The following FBN1 variants were observed in gnomAD, a reference collection of about 807,000 sequenced individuals.
FBN1 encodes fibrillin 1.
Under a neutral mutation model 365.1 loss-of-function variants are expected in FBN1, and 29 were observed. That is an observed-to-expected ratio of 0.08 (90% CI 0.06 to 0.11). The LOEUF (loss-of-function observed/expected upper bound fraction) is 0.11. Among genes scored for constraint, FBN1 ranks in the 10% least tolerant of loss-of-function variants. The pLI, the probability that FBN1 is intolerant of heterozygous loss-of-function variation, is 1.00. For missense variants in FBN1, 2,476 were observed against 3,703.2 expected, an observed-to-expected ratio of 0.67 and a Z score of 8.60; for synonymous variants, 1,210 against 1,270.5, an observed-to-expected ratio of 0.95 and a Z score of 1.01.
chr15:48,445,389 C>G lies in FBN1; in HGVS notation c.5904G>C (p.Gly1968=). 1 of 1,612,768 alleles carries G rather than the reference C, an allele frequency of 6.2e-7. No homozygotes were observed. The highest frequency in any genetic ancestry group is 8.5e-7 in the Non-Finnish European group (1 of 1,179,164). Residue 1968 remains glycine (G), a synonymous_variant, in exon 48 of 66, where the codon GGG becomes GGC. Transcript: ENST00000316623. ...TCCTGTACTTACCCACACAGGTCCT[C>G]CCATCTGGAGCCACCTCATAGCCTT... is the stretch of plus-strand genomic sequence containing the variant. ...CNEGYEVAPD[G]RTCVDINECL...
chr15:48,538,468 C>T (rs751549217), intron 6 of FBN1, among the ~76,000 whole-genome samples: 14 of 152,182 alleles, frequency 9.2e-5, no homozygotes. Flanking sequence ...GGACACTGGT[C>T]TGAAATCATT....
chr15:48,524,037 C>G (rs1411605238), intron 9 of FBN1, among the ~76,000 whole-genome samples: 1 of 152,156 alleles, frequency 6.6e-6, no homozygotes, highest in Non-Finnish European at 1.5e-5. Flanking sequence ...CCTAACCTGT[C>G]ACGAACATGG....
At chr15:48,435,780 G>GTATATATA (rs1382120396) in intron 53 of FBN1, among the ~76,000 whole-genome samples, 1 of 77,404 alleles carries the variant, frequency 1.3e-5, no homozygotes, top group African/African-American at 3.1e-5. Context: ...ATATGTGTGT[G>GTATATATA]TGTGTGTGTG....
At chr15:48,562,439 G>A (rs914369118) in intron 6 of FBN1, among the ~76,000 whole-genome samples, 1 of 152,096 alleles carries the variant, frequency 6.6e-6, no homozygotes, top group Admixed American at 6.6e-5. Context: ...TACAAATAGG[G>A]AATTGAGTCA....
At chr15:48,487,585 C>G in intron 27 of FBN1, 148 bp from the exon 28 acceptor site, 2 of 1,163,122 alleles carry the variant, frequency 1.7e-6, no homozygotes, top group Non-Finnish European at 2.5e-6. Flanking sequence ...TACACCAGAT[C>G]TCCCTGCAGG....
chr15:48,408,385 A>G lies in FBN1; in HGVS notation c.*2605T>C, dbSNP rs2042835020. ...TTTCTGAAGTTTAACAGTATTTGTA[A>G]TGGCAATATCCAAAGTGATTTTGGC... On this transcript the variant is annotated 3_prime_UTR_variant, in exon 66 of 66. Transcript: ENST00000316623. 6.6e-6 allele frequency: 1 copy of G among 152,662 alleles called. No homozygotes were observed. Among genetic ancestry groups the G allele is most frequent in the South Asian group, 2.1e-4 (1 of 4,834 alleles). The allele number at this position is 152,662 out of a possible 1,614,324, so 9.5% of individuals were successfully genotyped here. A position where few individuals can be genotyped will look rare whatever the true frequency, so the allele number is the denominator to read the frequency against.
At chr15:48,469,112 C>CATATAT (rs1165855215) in intron 36 of FBN1, among the ~76,000 whole-genome samples, 2 of 99,980 alleles carry the variant, frequency 2.0e-5, no homozygotes, top group African/African-American at 8.6e-5. Flanking sequence ...ATATATATTA[C>CATATAT]ATATATATAT....
intron 18 of FBN1, among the ~76,000 whole-genome samples, chr15:48,498,050 G>T (rs2043622519): frequency 6.6e-6 from 1 of 150,618 alleles, no homozygotes. Flanking sequence ...CTGAGGTGGG[G>T]CCCTCCCTCT....
At chr15:48,426,412 G>T (rs2042979887) in intron 58 of FBN1, among the ~76,000 whole-genome samples, 1 of 152,062 alleles carries the variant, frequency 6.6e-6, no homozygotes, top group South Asian at 2.1e-4. Context: ...TCTGTCCTCT[G>T]GTGAGGGGGG....
intron 30 of FBN1, among the ~76,000 whole-genome samples, chr15:48,484,298 C>A (rs1453536469): frequency 1.3e-5 from 2 of 151,854 alleles, no homozygotes; most frequent in African/African-American, 4.8e-5. Context: ...ACTGTTTTAG[C>A]AATATTTTAA....
In FBN1 at chr15:48,472,847, T is replaced by G. The variant is rs28730795; in HGVS notation, c.4211-171A>C. Among the ~76,000 whole-genome samples the G allele has an allele frequency of 0.39, 58,693 of 151,912 alleles. 12,209 individuals are homozygous for G. The highest frequency in any genetic ancestry group is 0.57 in the East Asian group (2,933 of 5,164). ...TAACACTGAATATGAAATTTACATG[T>G]GGCTGATTCAGAATCCTGAATGATA... is the stretch of plus-strand genomic sequence containing the variant. On this transcript the variant is annotated intron_variant, in intron 34 of 65. Transcript: ENST00000316623.
At chr15:48,539,411 C>T (rs1211160680) in intron 6 of FBN1, among the ~76,000 whole-genome samples, 1 of 152,158 alleles carries the variant, frequency 6.6e-6, no homozygotes, top group Non-Finnish European at 1.5e-5. Context: ...AATGCCGAGT[C>T]CCCAGTTCCC....
At chr15:48,592,340 CAT>C (rs1355991901) in intron 6 of FBN1, among the ~76,000 whole-genome samples, 2 of 152,128 alleles carry the variant, frequency 1.3e-5, no homozygotes, top group African/African-American at 2.4e-5. Context: ...CTCATCCACT[CAT>C]ATGATTCACT....
chr15:48,443,808 G>A (rs7166427), intron 49 of FBN1, among the ~76,000 whole-genome samples: 1 of 152,070 alleles, frequency 6.6e-6, no homozygotes, highest in Admixed American at 6.6e-5. Flanking sequence ...TGAGGAAGGA[G>A]GATCATTTGA....
intron 2 of FBN1, among the ~76,000 whole-genome samples, chr15:48,618,121 C>G (rs1433881405): frequency 1.3e-5 from 2 of 152,054 alleles, no homozygotes; most frequent in East Asian, 3.9e-4. Context: ...AAGTATAAAT[C>G]TGGAGGGGAT....
At chr15:48,463,526 C>T (rs2043297037) in intron 41 of FBN1, among the ~76,000 whole-genome samples, 3 of 152,206 alleles carry the variant, frequency 2.0e-5, no homozygotes, top group Admixed American at 6.5e-5. Context: ...GCCCAGTCTC[C>T]TAGTAACAAT....
intron 2 of FBN1, chr15:48,642,375 C>CA (rs956158539): frequency 2.4e-4 from 35 of 147,760 alleles, no homozygotes; most frequent in Admixed American, 4.0e-4. Flanking sequence ...GACTGTGTCT[C>CA]AAAAAAAAAG....
chr15:48,638,917 C>T (rs1890149592), intron 2 of FBN1, among the ~76,000 whole-genome samples: 1 of 152,158 alleles, frequency 6.6e-6, no homozygotes, highest in African/African-American at 2.4e-5. Flanking sequence ...TACCTACCAC[C>T]CTCACACAAG....
chr15:48,549,604 C>T (rs1396365110), intron 6 of FBN1, among the ~76,000 whole-genome samples: 1 of 152,194 alleles, frequency 6.6e-6, no homozygotes, highest in Admixed American at 6.5e-5. Flanking sequence ...CACTTGGACT[C>T]AATACAGTGC....
Sources: allele counts gnomAD v4.1 joint callset (sites outside exome capture counted in the v4.1 genomes callset), GRCh38; gene constraint gnomAD v4.1.1; transcripts MANE v1.5; gene names NCBI Gene and HGNC (gene_info 2026-07-23, HGNC 2026-07-21).